The following EFHC2 variants were observed in gnomAD, a reference collection of about 807,000 sequenced individuals.
The protein encoded by EFHC2 is EF-hand domain containing 2, also known as EF-hand domain-containing family member C2.
Under a neutral mutation model 52.7 loss-of-function variants are expected in EFHC2, and 18 were observed. That is an observed-to-expected ratio of 0.34 (90% CI 0.24 to 0.51). The LOEUF is 0.51. Among genes scored for constraint, EFHC2 ranks in the 20% least tolerant of loss-of-function variants. The pLI is 0.97. For synonymous variants in EFHC2, 203 were observed against 204.1 expected (o/e 0.99, Z 0.04); for missense variants, 513 against 562.5 (o/e 0.91, Z 0.89).
At position 44,187,670 on chromosome X, in the gene EFHC2, C is replaced by T. The variant is rs371424802; in HGVS notation, c.1752-9106G>A. The stretch of plus-strand genomic sequence containing the variant: ...CGACATTGTGGTGTGTGCCTGCAGT[C>T]CCAGCTACTTGGGAGGCTGAGAGGC... On this transcript the variant is annotated intron_variant, in intron 11 of 14. Coordinates refer to ENST00000420999, the MANE Select transcript of EFHC2 (RefSeq NM_025184.4). 5.4e-5 allele frequency among the ~76,000 whole-genome samples: 6 copies of T among 111,341 alleles called. No homozygotes were observed. The East Asian group carries it at 1.4e-3, about 26-fold the overall frequency.
chrX:44,336,155 G>A (rs181178015), intron 1 of EFHC2, among the ~76,000 whole-genome samples: 2,427 of 108,964 alleles, frequency 0.022, 74 homozygotes, highest in African/African-American at 0.077. Flanking sequence ...GGGAGGCCGA[G>A]GTGGGTGGAT....
chrX:44,251,491 C>G (rs763016789), intron 4 of EFHC2, among the ~76,000 whole-genome samples: 53 of 98,833 alleles, frequency 5.4e-4, no homozygotes, highest in African/African-American at 1.9e-3. Flanking sequence ...ATCCCAGCTA[C>G]TCAGGAGGCT....
chrX:44,221,732 A>G (rs2037195125), intron 11 of EFHC2, among the ~76,000 whole-genome samples: 1 of 111,669 alleles, frequency 9.0e-6, no homozygotes, highest in South Asian at 3.7e-4. Flanking sequence ...AAATCTATAA[A>G]TTTGGAAAAT....
intron 1 of EFHC2, among the ~76,000 whole-genome samples, chrX:44,325,010 AAC>A (rs1338614936): frequency 8.9e-6 from 1 of 112,341 alleles, no homozygotes; most frequent in African/African-American, 3.2e-5. Flanking sequence ...AAAACAACAA[AAC>A]ACACACACTT....
At chrX:44,317,651 C>T (rs975592895) in intron 1 of EFHC2, among the ~76,000 whole-genome samples, 17 of 112,510 alleles carry the variant, frequency 1.5e-4, no homozygotes, top group Non-Finnish European at 2.8e-4. Flanking sequence ...CCAGGCATGG[C>T]GGTGCATGCG....
chrX:44,250,209 C>T lies in EFHC2; in HGVS notation c.843G>A (p.Arg281=). 1.7e-6 allele frequency: 2 copies of T among 1,210,386 alleles called. No homozygotes were observed. The highest frequency in any genetic ancestry group is 2.2e-6 in the Non-Finnish European group (2 of 894,698). Reference sequence around the variant, plus strand: ...CACTGCTCACCTTGGGTAGCTTACTCCTCCGGAGGAACATTTTTAGAGCAT... The same window carrying T: ...CACTGCTCACCTTGGGTAGCTTACTTCTCCGGAGGAACATTTTTAGAGCAT... ...GRDALKMFLR[R]SKLPKNCPPR... The change falls in exon 5 of 15, where the codon AGG becomes AGA. Residue 281 remains arginine, a synonymous_variant. Coordinates refer to ENST00000420999, the MANE Select transcript of EFHC2 (RefSeq NM_025184.4).
At chrX:44,303,541 T>C (rs1216621180) in intron 2 of EFHC2, among the ~76,000 whole-genome samples, 4 of 110,212 alleles carry the variant, frequency 3.6e-5, no homozygotes, top group African/African-American at 1.3e-4. Flanking sequence ...TAATAAGCCT[T>C]TTCTAACACC....
chrX:44,173,888 G>C (rs2036764462), intron 13 of EFHC2, among the ~76,000 whole-genome samples: 1 of 112,155 alleles, frequency 8.9e-6, no homozygotes, highest in South Asian at 3.8e-4. Context: ...CCAGAGGCCA[G>C]GCTCCCACAT....
chrX:44,272,066 A>G (rs747187896), intron 3 of EFHC2, among the ~76,000 whole-genome samples: 89 of 112,113 alleles, frequency 7.9e-4, no homozygotes, highest in African/African-American at 2.7e-3. Flanking sequence ...AGTCATCTCC[A>G]TTGATCTCTG....
intron 8 of EFHC2, among the ~76,000 whole-genome samples, chrX:44,237,650 G>T (rs745883723): frequency 9.0e-6 from 1 of 111,548 alleles, no homozygotes; most frequent in Non-Finnish European, 1.9e-5. Flanking sequence ...TCTCCACGGT[G>T]CCAATTCCAA....
intron 1 of EFHC2, among the ~76,000 whole-genome samples, chrX:44,338,610 CA>C (rs1397062130): frequency 9.1e-6 from 1 of 109,360 alleles, no homozygotes; most frequent in African/African-American, 3.3e-5. Flanking sequence ...AGTTCACATA[CA>C]TACACAAGCA....
At chrX:44,218,168 A>G (rs1312761863) in intron 11 of EFHC2, among the ~76,000 whole-genome samples, 1 of 111,601 alleles carries the variant, frequency 9.0e-6, no homozygotes, top group Non-Finnish European at 1.9e-5. Context: ...TAATAAGATC[A>G]TTGGTATCCA....
At chrX:44,281,167 G>A (rs751202777) in intron 2 of EFHC2, among the ~76,000 whole-genome samples, 3 of 111,943 alleles carry the variant, frequency 2.7e-5, no homozygotes, top group Non-Finnish European at 5.6e-5. Context: ...TGATCCACCC[G>A]CCTCAGCCTC....
intron 7 of EFHC2, among the ~76,000 whole-genome samples, chrX:44,242,545 T>C (rs1185335275): frequency 9.1e-6 from 1 of 110,370 alleles, no homozygotes; most frequent in Non-Finnish European, 1.9e-5. Context: ...TAAGTAAACG[T>C]TTATATTTTG....
At position 44,250,452 on chromosome X, in the gene EFHC2, A is replaced by T; in HGVS notation, c.607-7T>A. ...GCTCTACGTGTTCTACAACCTGCAA[A>T]TGGAGAAAATGTCAATAATAGTTGC... On this transcript the variant is annotated splice_polypyrimidine_tract_variant and splice_region_variant and intron_variant, in intron 4 of 14. Transcript: ENST00000420999. 8.5e-7 allele frequency: 1 copy of T among 1,181,839 alleles called. No individual in the cohort carries two copies. Among genetic ancestry groups the T allele is most frequent in the Non-Finnish European group, 1.1e-6 (1 of 879,889 alleles).
intron 11 of EFHC2, among the ~76,000 whole-genome samples, chrX:44,184,900 A>G (rs372962265): frequency 4.5e-5 from 5 of 110,918 alleles, no homozygotes; most frequent in Admixed American, 1.9e-4. Flanking sequence ...AGATCCACAG[A>G]GAGTAGTGGT....
chrX:44,239,617 C>T (rs2037345508), intron 8 of EFHC2, among the ~76,000 whole-genome samples: 1 of 112,071 alleles, frequency 8.9e-6, no homozygotes, highest in Non-Finnish European at 1.9e-5. Flanking sequence ...GTTGTATGGC[C>T]TCTCTGAGCC....
chrX:44,293,578 G>A (rs1035662457), intron 2 of EFHC2, among the ~76,000 whole-genome samples: 2 of 111,646 alleles, frequency 1.8e-5, no homozygotes, highest in Non-Finnish European at 3.8e-5. Flanking sequence ...TAAATGGCAC[G>A]TGTTCACTGT....
chrX:44,281,600 T>A (rs1238741507), intron 2 of EFHC2, among the ~76,000 whole-genome samples: 1 of 111,943 alleles, frequency 8.9e-6, no homozygotes, highest in African/African-American at 3.2e-5. Flanking sequence ...AATAAATATG[T>A]GTCAAGCCTC....
Sources: allele counts gnomAD v4.1 joint callset (sites outside exome capture counted in the v4.1 genomes callset), GRCh38; gene constraint gnomAD v4.1.1; transcripts MANE v1.5; gene names NCBI Gene and HGNC (gene_info 2026-07-23, HGNC 2026-07-21).